MAPKAPK5: variants seen among roughly 807,000 people sequenced by gnomAD.
The protein encoded by MAPKAPK5 is MAP kinase-activated protein kinase 5.
A neutral mutation model predicts 65.1 loss-of-function variants in MAPKAPK5; 30 were observed. The observed-to-expected ratio is 0.46, with a 90% CI of 0.34 to 0.63. The LOEUF (loss-of-function observed/expected upper bound fraction) is 0.63. Among genes scored for constraint, MAPKAPK5 ranks in the 20% least tolerant of loss-of-function variants. The pLI is 0.01. For synonymous variants in MAPKAPK5, 179 were observed against 204.6 expected, an observed-to-expected ratio of 0.87 and a Z score of 1.07; for missense variants, 433 against 581.4, an observed-to-expected ratio of 0.74 and a Z score of 2.63.
At chr12:111,889,823 A>G (rs2136156091) in intron 12 of MAPKAPK5, 1 of 463,878 alleles carries the variant, frequency 2.2e-6, no homozygotes, top group East Asian at 3.8e-5. Flanking sequence ...TGGGGCCATC[A>G]GTGGATTTGT....
intron 1 of MAPKAPK5, chr12:111,843,365 A>G (rs1313787015): frequency 2.5e-6 from 1 of 398,270 alleles, no homozygotes; most frequent in East Asian, 3.6e-5. Context: ...CTGCACTTAA[A>G]CCAAAAGAAA....
intron 1 of MAPKAPK5, among the ~76,000 whole-genome samples, chr12:111,848,763 T>G (rs1189413173): frequency 1.3e-5 from 2 of 151,910 alleles, no homozygotes; most frequent in Non-Finnish European, 2.9e-5. Context: ...GGAGTCTCGC[T>G]TTGTCACTCA....
At chr12:111,865,134 G>C in intron 1 of MAPKAPK5, 116 bp from the exon 2 acceptor site, 1 of 644,242 alleles carries the variant, frequency 1.6e-6, no homozygotes, top group Non-Finnish European at 2.7e-6. Flanking sequence ...CTGCTTATCA[G>C]ATTCTCTTAG....
At chr12:111,870,400 T>C in intron 6 of MAPKAPK5, 40 bp downstream of exon 6, 1 of 1,527,536 alleles carries the variant, frequency 6.5e-7, no homozygotes, top group Non-Finnish European at 9.1e-7. Flanking sequence ...GCTGCAACTC[T>C]TAACATAGTT....
intron 13 of MAPKAPK5, 147 bp downstream of exon 13, chr12:111,890,291 G>T (rs951116526): frequency 1.6e-6 from 1 of 629,924 alleles, no homozygotes; most frequent in Admixed American, 2.7e-5. Context: ...GTGGAATGGG[G>T]GTTAGCTCTA....
intron 10 of MAPKAPK5, among the ~76,000 whole-genome samples, chr12:111,886,556 A>C (rs987026112): frequency 6.6e-6 from 1 of 152,260 alleles, no homozygotes; most frequent in African/African-American, 2.4e-5. Flanking sequence ...TCATGTTCGG[A>C]CATGCGCTGT....
At chr12:111,869,762 C>T (rs1392629943) in intron 5 of MAPKAPK5, among the ~76,000 whole-genome samples, 1 of 152,128 alleles carries the variant, frequency 6.6e-6, no homozygotes, top group African/African-American at 2.4e-5. Context: ...CCCTTCAAAT[C>T]CACATAAACA....
At chr12:111,850,618 A>G (rs1416470844) in intron 1 of MAPKAPK5, among the ~76,000 whole-genome samples, 1 of 152,194 alleles carries the variant, frequency 6.6e-6, no homozygotes, top group African/African-American at 2.4e-5. Flanking sequence ...AGGAGAAAGG[A>G]TATCTGCTTG....
In MAPKAPK5 at chr12:111,865,270, A is replaced by C; in HGVS notation, c.57A>C (p.Glu19Asp). 1.9e-6 allele frequency: 3 copies of C among 1,586,198 alleles called. 1 individual carries two copies. Among genetic ancestry groups the C allele is most frequent in the South Asian group, 2.3e-5 (2 of 86,828 alleles). Residue 19 changes from glutamate to aspartate, a missense_variant, in exon 2 of 14, where the codon GAA becomes GAC. Glu to Asp is a conservative substitution (Grantham distance 45, BLOSUM62 2). Transcript: ENST00000550735. ...AATAGGAAACTTCCATTTTAGAAGA[A>C]TACAGTATCAATTGGACTCAGAAGC... Reference protein sequence around the residue: ...KAIKETSILEEYSINWTQKLG... With the variant: ...KAIKETSILEDYSINWTQKLG...
intron 1 of MAPKAPK5, among the ~76,000 whole-genome samples, chr12:111,850,367 G>A (rs537795243): frequency 9.2e-4 from 140 of 152,254 alleles, no homozygotes; most frequent in African/African-American, 3.3e-3. Flanking sequence ...CAGCTTTTAC[G>A]TGGGTGCGAG....
chr12:111,870,398 T>C, intron 6 of MAPKAPK5, 38 bp downstream of exon 6: 1 of 1,535,762 alleles, frequency 6.5e-7, no homozygotes, highest in Non-Finnish European at 9.0e-7. Flanking sequence ...GTGCTGCAAC[T>C]CTTAACATAG....
chr12:111,864,761 C>T (rs2069549448), intron 1 of MAPKAPK5, among the ~76,000 whole-genome samples: 1 of 152,178 alleles, frequency 6.6e-6, no homozygotes, highest in African/African-American at 2.4e-5. Context: ...TGATTAGTTA[C>T]TATTTTTTTT....
intron 1 of MAPKAPK5, among the ~76,000 whole-genome samples, chr12:111,849,739 G>A (rs910029074): frequency 4.6e-5 from 7 of 151,702 alleles, no homozygotes; most frequent in Admixed American, 3.3e-4. Context: ...ATTTTGTTAG[G>A]ACAGTCTCAC....
chr12:111,879,163 C>T (rs1334547985), intron 7 of MAPKAPK5, among the ~76,000 whole-genome samples: 1 of 152,194 alleles, frequency 6.6e-6, no homozygotes, highest in East Asian at 1.9e-4. Flanking sequence ...TGTATCACTC[C>T]ATTCATGTTT....
At chr12:111,881,299 C>T (rs945269171) in intron 8 of MAPKAPK5, among the ~76,000 whole-genome samples, 3 of 152,078 alleles carry the variant, frequency 2.0e-5, no homozygotes, top group Non-Finnish European at 2.9e-5. Context: ...ATCTCAAACT[C>T]CTGACCTCAA....
In MAPKAPK5 at chr12:111,899,960, C is replaced by T. The variant is rs143884712; in HGVS notation, c.*6899C>T. ...CCTACTTGTGGTCACACAAAAAGTACGTGGAGATGTTTGTCGTGGTCAACA... is the reference window on the plus strand; with the variant it reads ...CCTACTTGTGGTCACACAAAAAGTATGTGGAGATGTTTGTCGTGGTCAACA... On this transcript the variant is annotated 3_prime_UTR_variant, in exon 14 of 14. Transcript: ENST00000550735. The T allele has an allele frequency of 4.2e-5, 19 of 456,056 alleles. No homozygotes were observed. The highest frequency in any genetic ancestry group is 1.4e-4 in the East Asian group (2 of 14,400). 28.3% of individuals were successfully genotyped at this position (456,056 alleles called of 1,614,324 possible). A position where few individuals can be genotyped will look rare whatever the true frequency, so the allele number is the denominator to read the frequency against.
chr12:111,843,616 GAC>G (rs1277391410), intron 1 of MAPKAPK5, among the ~76,000 whole-genome samples: 2 of 152,096 alleles, frequency 1.3e-5, no homozygotes, highest in South Asian at 4.1e-4. Flanking sequence ...TATCTTGAAG[GAC>G]AGGCATCTAT....
chr12:111,871,221 C>T (rs80323277), intron 7 of MAPKAPK5, 41 bp downstream of exon 7: 17,768 of 1,531,816 alleles, frequency 0.012, 157 homozygotes, highest in Non-Finnish European at 0.011. Context: ...TGTCACCAAG[C>T]TGCCCATCAA....
chr12:111,861,746 A>T (rs912827828), intron 1 of MAPKAPK5, among the ~76,000 whole-genome samples: 2 of 152,206 alleles, frequency 1.3e-5, no homozygotes, highest in Non-Finnish European at 2.9e-5. Flanking sequence ...GTGATATAGG[A>T]AATATTTTAG....
Sources: allele counts gnomAD v4.1 joint callset (sites outside exome capture counted in the v4.1 genomes callset), GRCh38; gene constraint gnomAD v4.1.1; transcripts MANE v1.5; gene names NCBI Gene and HGNC (gene_info 2026-07-23, HGNC 2026-07-21).